PPEF1: variants seen among roughly 807,000 people sequenced by gnomAD.
PPEF1 encodes serine/threonine-protein phosphatase with EF-hands 1.
Under a neutral mutation model 53.3 loss-of-function variants are expected in PPEF1, and 12 were observed. The ratio of observed to expected loss-of-function variants is 0.23; its 90% CI spans 0.14 to 0.36. The LOEUF is 0.36. Among genes scored for constraint, PPEF1 ranks in the 10% least tolerant of loss-of-function variants. The pLI is 1.00. For synonymous variants in PPEF1, 165 were observed against 176.7 expected (o/e 0.93, Z 0.52); for missense variants, 334 against 490.4 (o/e 0.68, Z 3.01).
chrX:18,677,901 T>TG (rs780123663), intron 1 of PPEF1, among the ~76,000 whole-genome samples: 9 of 110,958 alleles, frequency 8.1e-5, no homozygotes. Context: ...GACAAAATCT[T>TG]GGGAGTTCTT....
Position 18,787,133 on chromosome X carries a change from A to T in PPEF1, c.913-1988A>T, listed in dbSNP as rs1021427782. Among the ~76,000 whole-genome samples, 4 of 112,160 alleles carry T rather than the reference A, an allele frequency of 3.6e-5. No homozygotes were observed. In the Admixed American group the frequency reaches 3.8e-4, roughly 11 times the overall value. On this transcript the variant is annotated intron_variant, in intron 9 of 15. Coordinates refer to ENST00000470157, the MANE Select transcript of PPEF1 (RefSeq NM_001377996.1). ...AACTGTAGTGAAAATGATAGGTTCA[A>T]CCATTTGGAACTCTATCAGATGAGA...
At chrX:18,683,582 T>A in intron 1 of PPEF1, among the ~76,000 whole-genome samples, 1 of 111,837 alleles carries the variant, frequency 8.9e-6, no homozygotes, top group African/African-American at 3.2e-5. Context: ...CACAGTGACA[T>A]AAAGAAGCAA....
intron 1 of PPEF1, among the ~76,000 whole-genome samples, chrX:18,716,768 T>C (rs1349960075): frequency 9.0e-6 from 1 of 111,003 alleles, no homozygotes; most frequent in Non-Finnish European, 1.9e-5. Context: ...CTTGCTATTG[T>C]TTGTCAGAGG....
chrX:18,748,849 A>G (rs1178683409), intron 3 of PPEF1, among the ~76,000 whole-genome samples: 2 of 111,952 alleles, frequency 1.8e-5, no homozygotes, highest in Non-Finnish European at 3.8e-5. Context: ...CTGAGCTTGG[A>G]ACTGGTACAT....
intron 4 of PPEF1, among the ~76,000 whole-genome samples, chrX:18,696,179 G>T (rs748674374): frequency 9.0e-6 from 1 of 110,540 alleles, no homozygotes; most frequent in Non-Finnish European, 1.9e-5. Context: ...TTGAGACAAG[G>T]TCTTCCTCTG....
intron 6 of PPEF1, among the ~76,000 whole-genome samples, chrX:18,765,066 T>C (rs187904641): frequency 9.0e-6 from 1 of 111,717 alleles, no homozygotes; most frequent in Admixed American, 9.5e-5. Context: ...AAGCAAGATA[T>C]ATTTGGAGAG....
chrX:18,800,556 T>C (rs1387735470), intron 10 of PPEF1, among the ~76,000 whole-genome samples: 1 of 111,988 alleles, frequency 8.9e-6, no homozygotes, highest in Non-Finnish European at 1.9e-5. Flanking sequence ...TACATTGTAT[T>C]AGGTATTATA....
At chrX:18,808,845 A>G (rs2046740111) in intron 12 of PPEF1, among the ~76,000 whole-genome samples, 1 of 111,396 alleles carries the variant, frequency 9.0e-6, no homozygotes, top group African/African-American at 3.3e-5. Context: ...AAAACGGTAT[A>G]GAAGTTCCTC....
chrX:18,821,204 G>C (rs1188411215), intron 13 of PPEF1, among the ~76,000 whole-genome samples: 4 of 91,953 alleles, frequency 4.4e-5, no homozygotes, highest in East Asian at 7.0e-4. Context: ...GACTGGGAGA[G>C]AGAGCGAGAC....
At chrX:18,712,260 A>G (rs947912949) in intron 1 of PPEF1, among the ~76,000 whole-genome samples, 3 of 111,644 alleles carry the variant, frequency 2.7e-5, no homozygotes, top group African/African-American at 9.8e-5. Context: ...GAGTATTGCT[A>G]TATTAACAAT....
intron 3 of PPEF1, among the ~76,000 whole-genome samples, chrX:18,740,413 CTTT>C (rs763003965): frequency 2.0e-5 from 2 of 98,181 alleles, no homozygotes; most frequent in Admixed American, 1.1e-4. Context: ...CTCTCTCTCT[CTTT>C]TTTTTTTTTT....
chrX:18,794,848 G>C (rs1425891412), intron 10 of PPEF1, among the ~76,000 whole-genome samples: 1 of 112,219 alleles, frequency 8.9e-6, no homozygotes, highest in East Asian at 2.8e-4. Context: ...ACTTGAAGTA[G>C]AGCATCCTTC....
chrX:18,757,619 G>A lies in PPEF1; in HGVS notation c.397-8G>A, dbSNP rs372742622. 135 of 1,160,951 alleles carry A rather than the reference G, an allele frequency of 1.2e-4. No individual in the cohort carries two copies. Among genetic ancestry groups the A allele is most frequent in the Middle Eastern group, 9.5e-4 (4 of 4,229 alleles). On this transcript the variant is annotated splice_polypyrimidine_tract_variant and splice_region_variant and intron_variant, in intron 4 of 15. Transcript: ENST00000470157. ...ATTACATCTATTTCCTCTGCTTCCC[G>A]CTCACAGATACTTCATGCCCATTAT...
At chrX:18,733,944 A>C in intron 3 of PPEF1, 136 bp downstream of exon 3, 1 of 449,038 alleles carries the variant, frequency 2.2e-6, no homozygotes, top group Non-Finnish European at 3.6e-6. Context: ...GTGACACCCA[A>C]CAACTGGCAA....
At chrX:18,758,442 A>G (rs1030009371) in intron 5 of PPEF1, among the ~76,000 whole-genome samples, 1 of 112,147 alleles carries the variant, frequency 8.9e-6, no homozygotes, top group Non-Finnish European at 1.9e-5. Context: ...ATCAGTTTTT[A>G]GCCTGCATTT....
upstream of PPEF1, among the ~76,000 whole-genome samples, chrX:18,703,176 T>C (rs1344228773): frequency 9.0e-6 from 1 of 111,258 alleles, no homozygotes; most frequent in East Asian, 2.8e-4. Context: ...GGTGGGGCAG[T>C]ACATGGGAGG....
intron 4 of PPEF1, among the ~76,000 whole-genome samples, chrX:18,697,132 G>T (rs976631947): frequency 8.9e-6 from 1 of 112,019 alleles, no homozygotes; most frequent in Non-Finnish European, 1.9e-5. Context: ...TCCATAGTTT[G>T]CTATTGCCAT....
intron 10 of PPEF1, 45 bp downstream of exon 10, chrX:18,789,318 C>T (rs1423119549): frequency 3.5e-6 from 4 of 1,133,283 alleles, no homozygotes; most frequent in East Asian, 3.0e-5. Context: ...ATGACACTAG[C>T]GTGCATGTTG....
At chrX:18,695,535 T>C (rs904541102) in intron 4 of PPEF1, among the ~76,000 whole-genome samples, 2 of 111,984 alleles carry the variant, frequency 1.8e-5, no homozygotes, top group African/African-American at 6.5e-5. Flanking sequence ...GTTTCATGGA[T>C]TCTGTCCAGG....
Sources: gnomAD v4.1 joint callset for allele counts (sites outside exome capture counted in the v4.1 genomes callset) on GRCh38, gnomAD v4.1.1 for gene constraint, MANE v1.5 for transcripts, NCBI Gene and HGNC (gene_info 2026-07-23, HGNC 2026-07-21) for gene names.